Variants in TAFA2 observed in about 807,000 individuals in gnomAD.
TAFA2 encodes chemokine-like protein TAFA-2.
A neutral mutation model predicts 18.8 loss-of-function variants in TAFA2; 7 were observed. The ratio of observed to expected loss-of-function variants is 0.37; its 90% confidence interval spans 0.21 to 0.70. The LOEUF is 0.70. Among genes scored for constraint, TAFA2 ranks in the 30% least tolerant of loss-of-function variants. The pLI is 0.53. For missense variants in TAFA2, 122 were observed against 158.1 expected (o/e 0.77, Z 1.23); for synonymous variants, 60 against 54.2 (o/e 1.11, Z -0.47).
At chr12:61,869,946 T>C (rs1364589580) in intron 1 of TAFA2, among the ~76,000 whole-genome samples, 2 of 152,162 alleles carry the variant, frequency 1.3e-5, no homozygotes, top group Non-Finnish European at 2.9e-5. Context: ...TTCTTGATAA[T>C]AGCTTCTCCT....
chr12:61,793,244 A>G lies in TAFA2; in HGVS notation c.107-38220T>C, dbSNP rs149186630. The stretch of plus-strand genomic sequence containing the variant: ...TACCTAAAGTAAGGACAAAGAGGCA[A>G]TAATAAAGATTAGAATTAAAGTTGG... On this transcript the variant is annotated intron_variant, in intron 2 of 4. Coordinates refer to ENST00000416284, the MANE Select transcript of TAFA2 (RefSeq NM_178539.5). Among the ~76,000 whole-genome samples the G allele has an allele frequency of 6.8e-4, 103 of 151,728 alleles. No individual in the cohort carries two copies. In the East Asian group the frequency reaches 0.019, roughly 28 times the overall value.
At chr12:62,172,660 A>T (rs1439297626) in intron 1 of TAFA2, among the ~76,000 whole-genome samples, 1 of 152,210 alleles carries the variant, frequency 6.6e-6, no homozygotes, top group African/African-American at 2.4e-5. Context: ...GTAGGGGCTG[A>T]CTTCTGCCTC....
intron 1 of TAFA2, among the ~76,000 whole-genome samples, chr12:61,990,724 G>A (rs1393088701): frequency 6.6e-6 from 1 of 152,122 alleles, no homozygotes; most frequent in Non-Finnish European, 1.5e-5. Context: ...TTACTTATGT[G>A]GTAGTGCTTA....
chr12:61,898,927 C>G (rs1347540397), intron 1 of TAFA2, among the ~76,000 whole-genome samples: 1 of 151,976 alleles, frequency 6.6e-6, no homozygotes, highest in African/African-American at 2.4e-5. Context: ...GTTTTATGCT[C>G]TGCTTCCCTT....
intron 1 of TAFA2, among the ~76,000 whole-genome samples, chr12:61,885,460 C>G (rs7488366): frequency 0.016 from 2,500 of 152,206 alleles, 67 homozygotes; most frequent in African/African-American, 0.057. Context: ...TTCACAGAAC[C>G]CTTGACACCA....
chr12:62,100,401 G>T (rs555230264), intron 1 of TAFA2, among the ~76,000 whole-genome samples: 23 of 152,208 alleles, frequency 1.5e-4, no homozygotes, highest in Non-Finnish European at 3.2e-4. Context: ...ATGAAGGCTG[G>T]AGATAGAAAA....
chr12:61,925,330 T>A (rs1382189581), intron 1 of TAFA2, among the ~76,000 whole-genome samples: 3 of 152,124 alleles, frequency 2.0e-5, no homozygotes, highest in African/African-American at 7.2e-5. Context: ...GACCACATGA[T>A]TGGAAGTAAA....
At chr12:61,739,320 T>G (rs553951277) in intron 4 of TAFA2, among the ~76,000 whole-genome samples, 1 of 151,976 alleles carries the variant, frequency 6.6e-6, no homozygotes, top group Non-Finnish European at 1.5e-5. Context: ...TTATGGTGGG[T>G]GAAATGGAGA....
At chr12:62,192,965 A>G (rs1317334729), upstream of TAFA2, 1 of 152,248 alleles carries the variant, frequency 6.6e-6, no homozygotes, top group East Asian at 1.9e-4. Context: ...TTGCATTTTT[A>G]CAAATTACAA....
At chr12:62,004,145 T>C (rs895016230) in intron 1 of TAFA2, among the ~76,000 whole-genome samples, 1 of 152,114 alleles carries the variant, frequency 6.6e-6, no homozygotes, top group African/African-American at 2.4e-5. Context: ...AAATAAATTA[T>C]AAAGGTATTA....
chr12:62,081,885 C>T (rs1868330965), intron 1 of TAFA2, among the ~76,000 whole-genome samples: 2 of 152,050 alleles, frequency 1.3e-5, no homozygotes, highest in Admixed American at 1.3e-4. Context: ...CAGATCATCC[C>T]ATCACCTAGG....
At chr12:61,999,852 T>A (rs1880322253) in intron 1 of TAFA2, among the ~76,000 whole-genome samples, 1 of 152,188 alleles carries the variant, frequency 6.6e-6, no homozygotes, top group South Asian at 2.1e-4. Flanking sequence ...CATTTATCAT[T>A]AACTAATGGA....
chr12:62,111,973 T>A (rs1236304149), intron 1 of TAFA2, among the ~76,000 whole-genome samples: 3 of 152,228 alleles, frequency 2.0e-5, no homozygotes, highest in Non-Finnish European at 4.4e-5. Flanking sequence ...AATTAGGGCA[T>A]TTGGCTCATT....
At chr12:62,202,586 T>C (rs1373144763) in intron 1 of TAFA2, among the ~76,000 whole-genome samples, 2 of 152,076 alleles carry the variant, frequency 1.3e-5, no homozygotes, top group African/African-American at 4.8e-5. Flanking sequence ...CCTCCCAAAG[T>C]GCTGGGATTA....
At chr12:62,090,139 G>T (rs1868647972) in intron 1 of TAFA2, among the ~76,000 whole-genome samples, 1 of 152,064 alleles carries the variant, frequency 6.6e-6, no homozygotes, top group Non-Finnish European at 1.5e-5. Flanking sequence ...TTCACGTTCA[G>T]ATCTTGGCTT....
At chr12:61,765,383 A>C (rs1170976526) in intron 2 of TAFA2, among the ~76,000 whole-genome samples, 1 of 152,072 alleles carries the variant, frequency 6.6e-6, no homozygotes, top group Non-Finnish European at 1.5e-5. Flanking sequence ...ATGTTAAGCC[A>C]ATGTAATCAT....
intron 1 of TAFA2, among the ~76,000 whole-genome samples, chr12:61,981,579 C>T (rs1879637879): frequency 6.6e-6 from 1 of 152,136 alleles, no homozygotes. Context: ...GGGCTAATAT[C>T]CAGAATCTAC....
rs1565695272 is a variant in TAFA2 at position 61,955,660 on chromosome 12, TA to T, written c.-1-88235del. On this transcript the variant is annotated intron_variant, in intron 1 of 4. Transcript: ENST00000416284. ...ATATATATATATATATATATATATA[TA>T]TATATATATTTAATTTTAAAAATTA... Among the ~76,000 whole-genome samples, 76 of 110,846 alleles carry T rather than the reference TA, an allele frequency of 6.9e-4. 2 individuals carry two copies. Among genetic ancestry groups the T allele is most frequent in the African/African-American group, 2.4e-3 (73 of 29,852 alleles). The allele number at this position is 110,846 out of a possible 152,430, so 72.7% of individuals were successfully genotyped here.
chr12:62,198,958 A>G (rs767067241), intron 1 of TAFA2, among the ~76,000 whole-genome samples: 2 of 152,108 alleles, frequency 1.3e-5, no homozygotes, highest in African/African-American at 2.4e-5. Context: ...ACTGTCCTAC[A>G]TGTAGTAGGC....
Sources: gnomAD v4.1 joint callset for allele counts (sites outside exome capture counted in the v4.1 genomes callset) on GRCh38, gnomAD v4.1.1 for gene constraint, MANE v1.5 for transcripts, NCBI Gene and HGNC (gene_info 2026-07-23, HGNC 2026-07-21) for gene names.